The following PRDM10 variants were observed in gnomAD, a reference collection of about 807,000 sequenced individuals.
The protein encoded by PRDM10 is PR domain zinc finger protein 10.
In PRDM10, 65 loss-of-function variants were observed where a neutral mutation model predicts 133.1. That is an observed-to-expected ratio of 0.49 (90% CI 0.40 to 0.60). The LOEUF (loss-of-function observed/expected upper bound fraction) is 0.60. Among genes scored for constraint, PRDM10 ranks in the 20% least tolerant of loss-of-function variants. The pLI, the probability that PRDM10 is intolerant of heterozygous loss-of-function variation, is 0.00. For missense variants in PRDM10, 1,137 were observed against 1,507.1 expected, an observed-to-expected ratio of 0.75 and a Z score of 4.07; for synonymous variants, 582 against 580.4, an observed-to-expected ratio of 1.00 and a Z score of -0.04.
chr11:129,948,236 C>A (rs942567347), intron 4 of PRDM10: 5 of 378,288 alleles, frequency 1.3e-5, no homozygotes, highest in African/African-American at 8.4e-5. Context: ...GGATTATACA[C>A]TGGCCTAGAA....
At chr11:129,957,038 A>T (rs1456479144) in intron 3 of PRDM10, among the ~76,000 whole-genome samples, 1 of 152,240 alleles carries the variant, frequency 6.6e-6, no homozygotes, top group Non-Finnish European at 1.5e-5. Flanking sequence ...GGCAGTAAAC[A>T]TCTTTGCTTC....
chr11:129,926,259 A>T (rs958096487), intron 11 of PRDM10, among the ~76,000 whole-genome samples: 2 of 152,144 alleles, frequency 1.3e-5, no homozygotes, highest in Non-Finnish European at 2.9e-5. Context: ...TGGAAAATCT[A>T]CTCATGCTCT....
At position 130,002,557 on chromosome 11, in the gene PRDM10, C is replaced by G. The variant is rs1444995703; in HGVS notation, c.-119+165G>C. On this transcript the variant is annotated intron_variant, in intron 1 of 20. Coordinates refer to ENST00000360871, the MANE Select transcript of PRDM10 (RefSeq NM_199437.2). ...CCCCCCCACCACCACCATCAATTCC[C>G]CCCCCACCCGGGTCCGCGGTCGGTT... 3.3e-5 allele frequency among the ~76,000 whole-genome samples: 5 copies of G among 152,116 alleles called. No homozygotes were observed. The East Asian group carries it at 9.7e-4, about 30-fold the overall frequency.
intron 14 of PRDM10, among the ~76,000 whole-genome samples, chr11:129,917,642 T>C (rs1346993824): frequency 6.6e-6 from 1 of 152,268 alleles, no homozygotes; most frequent in Non-Finnish European, 1.5e-5. Context: ...ACTAAGGTTC[T>C]GAATTTTAAA....
chr11:129,988,613 G>A (rs1426226847), intron 1 of PRDM10, among the ~76,000 whole-genome samples: 4 of 151,194 alleles, frequency 2.6e-5, no homozygotes, highest in Non-Finnish European at 5.9e-5. Context: ...AAAAAAAAAA[G>A]AGGAGATGTT....
intron 6 of PRDM10, 124 bp from the exon 7 acceptor site, chr11:129,942,753 G>T: frequency 1.2e-6 from 1 of 854,246 alleles, no homozygotes; most frequent in Non-Finnish European, 1.8e-6. Flanking sequence ...TCTTTCCTTT[G>T]TATCTGCAAA....
intron 20 of PRDM10, 70 bp downstream of exon 20, chr11:129,905,567 AG>A: frequency 9.2e-7 from 1 of 1,087,044 alleles, no homozygotes; most frequent in Non-Finnish European, 1.4e-6. Context: ...TTACGAGATA[AG>A]TGGTGATAAG....
chr11:129,985,164 A>G (rs955907777), intron 1 of PRDM10, among the ~76,000 whole-genome samples: 4 of 152,098 alleles, frequency 2.6e-5, no homozygotes, highest in African/African-American at 9.7e-5. Flanking sequence ...CTTAGGAGCT[A>G]ATTTGTTACT....
At chr11:129,992,264 T>A (rs1400425505) in intron 1 of PRDM10, among the ~76,000 whole-genome samples, 1 of 152,208 alleles carries the variant, frequency 6.6e-6, no homozygotes, top group Non-Finnish European at 1.5e-5. Context: ...AAATTCAATG[T>A]TACTTAAGTA....
chr11:129,955,588 A>G lies in PRDM10; in HGVS notation c.235-17T>C, dbSNP rs997134834. Reference sequence around the variant, plus strand: ...AAACAGAGTCTAAACAAACAAACGAACAAAAAATTATCAGTAGCTCTTTGG... The same window carrying G: ...AAACAGAGTCTAAACAAACAAACGAGCAAAAAATTATCAGTAGCTCTTTGG... On this transcript the variant is annotated splice_polypyrimidine_tract_variant and intron_variant, in intron 3 of 20. Transcript: ENST00000360871. 19 of 1,612,506 alleles carry G rather than the reference A, an allele frequency of 1.2e-5. No homozygotes were observed. The African/African-American group carries it at 2.4e-4, about 20-fold the overall frequency.
At chr11:129,967,177 T>G (rs1440691716) in intron 1 of PRDM10, among the ~76,000 whole-genome samples, 3 of 152,004 alleles carry the variant, frequency 2.0e-5, no homozygotes, top group Non-Finnish European at 4.4e-5. Context: ...GATCACGAGG[T>G]CAGGAGTTCG....
chr11:130,002,191 C>CCCGCCGCGCCCGGAGCGCCCGCGCAA (rs1425256805), intron 1 of PRDM10, among the ~76,000 whole-genome samples: 2 of 147,858 alleles, frequency 1.4e-5, no homozygotes, highest in African/African-American at 2.4e-5. Flanking sequence ...CGGAGACCTG[C>CCCGCCGCGCCCGGAGCGCCCGCGCAA]CCGCCGCGCC....
intron 3 of PRDM10, among the ~76,000 whole-genome samples, chr11:129,956,156 G>A (rs559115893): frequency 6.6e-6 from 1 of 152,212 alleles, no homozygotes; most frequent in South Asian, 2.1e-4. Flanking sequence ...CATAAACTAA[G>A]TTGGCTCATG....
intron 3 of PRDM10, among the ~76,000 whole-genome samples, chr11:129,957,264 C>T (rs1210973587): frequency 6.6e-6 from 1 of 152,156 alleles, no homozygotes; most frequent in Non-Finnish European, 1.5e-5. Context: ...TTGCATTTAG[C>T]GTCAAGAAAT....
At chr11:129,994,711 G>A (rs1166502468) in intron 1 of PRDM10, among the ~76,000 whole-genome samples, 1 of 151,856 alleles carries the variant, frequency 6.6e-6, no homozygotes, top group Non-Finnish European at 1.5e-5. Flanking sequence ...GAGTACAGTG[G>A]CACAATCTCA....
At chr11:129,962,515 G>T (rs7950103) in intron 1 of PRDM10, among the ~76,000 whole-genome samples, 5 of 152,236 alleles carry the variant, frequency 3.3e-5, no homozygotes, top group South Asian at 2.1e-4. Context: ...ATCCCCATTT[G>T]GGGGGGACTT....
rs148038318 is a variant in PRDM10, at chr11:129,995,529, G to T, written c.-119+7193C>A. On this transcript the variant is annotated intron_variant, in intron 1 of 20. Coordinates refer to ENST00000360871, the MANE Select transcript of PRDM10 (RefSeq NM_199437.2). ...ATTAGAAGGACATTCTATTAAGACT[G>T]CCTGTAATCATGGTTTGTGGAAAGA... 5.2e-3 allele frequency among the ~76,000 whole-genome samples: 799 copies of T among 152,298 alleles called. 1 individual carries two copies. The highest frequency in any genetic ancestry group is 8.1e-3 in the Non-Finnish European group (553 of 68,024).
At chr11:129,958,038 A>C in intron 2 of PRDM10, 128 bp from the exon 3 acceptor site, 1 of 1,071,376 alleles carries the variant, frequency 9.3e-7, no homozygotes, top group Non-Finnish European at 1.3e-6. Flanking sequence ...GTCTACACCG[A>C]GGTGGTGACT....
chr11:129,930,900 A>T (rs1950831533), intron 11 of PRDM10, 116 bp downstream of exon 11: 2 of 1,396,868 alleles, frequency 1.4e-6, no homozygotes, highest in Non-Finnish European at 1.9e-6. Flanking sequence ...AGCATGTGAC[A>T]GGCTAGATGC....
Sources: allele counts gnomAD v4.1 joint callset (sites outside exome capture counted in the v4.1 genomes callset), GRCh38; gene constraint gnomAD v4.1.1; transcripts MANE v1.5; gene names NCBI Gene and HGNC (gene_info 2026-07-23, HGNC 2026-07-21).